The following TRPC4 variants were observed in gnomAD, a reference collection of about 807,000 sequenced individuals.
TRPC4 encodes transient receptor potential cation channel subfamily C member 4.
Under a neutral mutation model 99.4 loss-of-function variants are expected in TRPC4, and 49 were observed. The observed-to-expected ratio is 0.49, with a 90% CI of 0.39 to 0.63. The LOEUF (loss-of-function observed/expected upper bound fraction) is 0.63, where lower values mean the gene tolerates loss of function less well. TRPC4 is among the 20% of genes least tolerant of loss of function. The pLI, the probability that TRPC4 is intolerant of heterozygous loss-of-function variation, is 0.00. For missense variants in TRPC4, 898 were observed against 1,152.9 expected, an observed-to-expected ratio of 0.78 and a Z score of 3.20; for synonymous variants, 454 against 425.9, an observed-to-expected ratio of 1.07 and a Z score of -0.81.
chr13:37,810,322 C>T (rs73170443), intron 1 of TRPC4, among the ~76,000 whole-genome samples: 1,785 of 152,004 alleles, frequency 0.012, 19 homozygotes, highest in Middle Eastern at 0.072. Context: ...TTTTAATAAT[C>T]CTTTTCTATA....
At chr13:37,807,156 C>T (rs950848638) in intron 1 of TRPC4, among the ~76,000 whole-genome samples, 1 of 152,000 alleles carries the variant, frequency 6.6e-6, no homozygotes, top group African/African-American at 2.4e-5. Flanking sequence ...GAGCCAGATG[C>T]ACACATTTCT....
chr13:37,714,335 A>C (rs1337139334), intron 3 of TRPC4, among the ~76,000 whole-genome samples: 1 of 151,888 alleles, frequency 6.6e-6, no homozygotes, highest in Non-Finnish European at 1.5e-5. Context: ...CCACGTTCAC[A>C]AGACTGGTCT....
rs267603818 is a variant in TRPC4, at chr13:37,746,318, G to C, written c.516C>G (p.His172Gln). 1.9e-6 allele frequency: 3 copies of C among 1,613,810 alleles called. No homozygotes were observed. The highest frequency in any genetic ancestry group is 2.5e-6 in the Non-Finnish European group (3 of 1,179,848). Residue 172 changes from histidine to glutamine, a missense_variant, in exon 3 of 11, where the codon CAC (histidine) becomes CAG (glutamine). Around this residue, in one of 3 missense-constraint regions of TRPC4, gnomAD observed 278 missense variants for 346.6 expected, o/e 0.80. Transcript: ENST00000379705. ...ATTCCACACAGTTACAGCGGACCTC[G>C]TGGGGTCGAGGCACTGAGACTCCTT... Reference protein sequence around the residue: ...VQKGVSVPRPHEVRCNCVECV... With the variant: ...VQKGVSVPRPQEVRCNCVECV...
At chr13:37,683,804 T>A (rs1237025571) in intron 4 of TRPC4, among the ~76,000 whole-genome samples, 1 of 152,190 alleles carries the variant, frequency 6.6e-6, no homozygotes, top group African/African-American at 2.4e-5. Flanking sequence ...GTGTAAGAGA[T>A]GGACAATTCC....
At chr13:37,845,058 G>A (rs934451424) in intron 1 of TRPC4, among the ~76,000 whole-genome samples, 1 of 152,114 alleles carries the variant, frequency 6.6e-6, no homozygotes, top group Non-Finnish European at 1.5e-5. Context: ...ACTGAACCAT[G>A]GAGAACAGTT....
At chr13:37,709,037 AT>A (rs921146169) in intron 3 of TRPC4, among the ~76,000 whole-genome samples, 8 of 152,062 alleles carry the variant, frequency 5.3e-5, no homozygotes, top group Admixed American at 5.3e-4. Flanking sequence ...AGAGAAGGAA[AT>A]ATCCACCTCT....
intron 8 of TRPC4, among the ~76,000 whole-genome samples, chr13:37,649,934 A>G (rs1951985466): frequency 1.3e-5 from 2 of 152,158 alleles, no homozygotes; most frequent in South Asian, 4.1e-4. Flanking sequence ...CTAAGGTCAG[A>G]TACATTCTCA....
At chr13:37,726,999 C>A (rs1399579526) in intron 3 of TRPC4, among the ~76,000 whole-genome samples, 1 of 152,030 alleles carries the variant, frequency 6.6e-6, no homozygotes, top group African/African-American at 2.4e-5. Context: ...TTAGAGACTT[C>A]AATACCCTCT....
intron 3 of TRPC4, among the ~76,000 whole-genome samples, chr13:37,718,236 G>A: frequency 6.6e-6 from 1 of 151,924 alleles, no homozygotes. Flanking sequence ...ATTTAGAGAA[G>A]TACTGAACTG....
chr13:37,736,221 AG>A lies in TRPC4; in HGVS notation c.897+9715del, dbSNP rs1369502646. On this transcript the variant is annotated intron_variant, in intron 3 of 10. Coordinates refer to ENST00000379705, the MANE Select transcript of TRPC4 (RefSeq NM_016179.4). ...GGCACTGAAAGGTTTGGTCCCTAGGAGGGGGCTGGGGTAGAGCATTAGGGAT... is the reference window on the plus strand; with the variant it reads ...GGCACTGAAAGGTTTGGTCCCTAGGAGGGGCTGGGGTAGAGCATTAGGGAT... Among the ~76,000 whole-genome samples, 6 of 152,138 alleles carry A rather than the reference AG, an allele frequency of 3.9e-5. No homozygotes were observed. The East Asian group carries it at 1.2e-3, about 29-fold the overall frequency.
At chr13:37,642,355 A>AG (rs1235375640) in intron 8 of TRPC4, among the ~76,000 whole-genome samples, 4 of 152,176 alleles carry the variant, frequency 2.6e-5, no homozygotes, top group African/African-American at 9.7e-5. Context: ...AAGGCTGGCT[A>AG]GGGGTTCCAG....
intron 3 of TRPC4, among the ~76,000 whole-genome samples, chr13:37,744,498 G>A (rs1423483160): frequency 6.6e-6 from 1 of 152,140 alleles, no homozygotes; most frequent in African/African-American, 2.4e-5. Flanking sequence ...AGTATTAAGG[G>A]AAAAGTTCAT....
intron 1 of TRPC4, among the ~76,000 whole-genome samples, chr13:37,803,647 C>T (rs1282780134): frequency 6.6e-6 from 1 of 151,990 alleles, no homozygotes; most frequent in African/African-American, 2.4e-5. Context: ...TTTTATTAAA[C>T]TTATATTAAT....
At chr13:37,792,433 C>T (rs668684) in intron 1 of TRPC4, among the ~76,000 whole-genome samples, 88,215 of 151,826 alleles carry the variant, frequency 0.58, 25,999 homozygotes, top group Admixed American at 0.69. Context: ...AACAAGAACG[C>T]GTGCATAAAT....
At chr13:37,688,625 A>G (rs1953573084) in intron 4 of TRPC4, among the ~76,000 whole-genome samples, 1 of 152,230 alleles carries the variant, frequency 6.6e-6, no homozygotes, top group South Asian at 2.1e-4. Context: ...ATCATTTCTC[A>G]TACATCAAGA....
intron 1 of TRPC4, among the ~76,000 whole-genome samples, chr13:37,787,670 A>C (rs1330283469): frequency 6.6e-6 from 1 of 152,096 alleles, no homozygotes. Flanking sequence ...GTCAAAGTGC[A>C]ATGAACTACT....
chr13:37,827,997 G>T (rs977608717), intron 1 of TRPC4, among the ~76,000 whole-genome samples: 1 of 152,126 alleles, frequency 6.6e-6, no homozygotes, highest in Admixed American at 6.6e-5. Context: ...TAAGCCCGTC[G>T]GAAAAGTGCA....
chr13:37,769,671 C>T (rs1471841679), intron 2 of TRPC4, among the ~76,000 whole-genome samples: 1 of 151,446 alleles, frequency 6.6e-6, no homozygotes, highest in Non-Finnish European at 1.5e-5. Context: ...GATTTACACC[C>T]TCCTAACCAC....
chr13:37,783,127 G>A lies in TRPC4; in HGVS notation c.207C>T (p.Leu69=), dbSNP rs151101788. 56 of 1,613,362 alleles carry A rather than the reference G, an allele frequency of 3.5e-5. No homozygotes were observed. In the African/African-American group the frequency reaches 3.6e-4, roughly 10 times the overall value. The change falls in exon 2 of 11, where the codon CTC becomes CTT. Residue 69 remains leucine (L), a synonymous_variant. Transcript: ENST00000379705. ...TTGCAATGAGGAGAGCAGTTCTTCC[G>A]AGAGGATCAATGCAATTAATATTGA... ...FKININCIDP[L]GRTALLIAIE...
Sources: allele counts gnomAD v4.1 joint callset (sites outside exome capture counted in the v4.1 genomes callset), GRCh38; gene constraint gnomAD v4.1.1; regional missense constraint gnomAD v4.1.1; transcripts MANE v1.5; gene names NCBI Gene and HGNC (gene_info 2026-07-23, HGNC 2026-07-21).